NSRP1: variants seen among roughly 807,000 people sequenced by gnomAD.
The protein encoded by NSRP1 is nuclear speckle splicing regulatory protein 1.
Under a neutral mutation model 54.7 loss-of-function variants are expected in NSRP1, and 24 were observed. The observed-to-expected ratio is 0.44, with a 90% CI of 0.32 to 0.62. The LOEUF (loss-of-function observed/expected upper bound fraction) is 0.62. Ranked by LOEUF, NSRP1 falls within the 20% of genes least tolerant of loss-of-function variation. The pLI, the probability that NSRP1 is intolerant of heterozygous loss-of-function variation, is 0.06. For synonymous variants in NSRP1, 210 were observed against 213.8 expected, an observed-to-expected ratio of 0.98 and a Z score of 0.15; for missense variants, 596 against 651.2, an observed-to-expected ratio of 0.92 and a Z score of 0.92.
intron 3 of NSRP1, among the ~76,000 whole-genome samples, chr17:30,173,195 CT>C (rs1905018475): frequency 6.6e-6 from 1 of 152,134 alleles, no homozygotes; most frequent in Admixed American, 6.5e-5. Context: ...AACCCGTGAC[CT>C]CAGGTGATCC....
chr17:30,184,823 C>G lies in NSRP1; in HGVS notation c.826C>G (p.Pro276Ala). The change falls in exon 7 of 7, where the codon CCT becomes GCT. Residue 276 changes from proline to alanine, a missense_variant. Coordinates refer to ENST00000247026, the MANE Select transcript of NSRP1 (RefSeq NM_032141.4). The part of the protein sequence containing the change: ...NCRREKVIET[P>A]ENDFKHHRSQ... The stretch of plus-strand genomic sequence containing the variant: ...CAGAAGGGAAAAGGTCATAGAGACC[C>G]CTGAGAATGACTTCAAGCACCACAG... 1 of 1,613,896 alleles carries G rather than the reference C, an allele frequency of 6.2e-7. No individual in the cohort carries two copies. Among genetic ancestry groups the G allele is most frequent in the Non-Finnish European group, 8.5e-7 (1 of 1,179,968 alleles).
chr17:30,173,398 A>C (rs1466363759), intron 3 of NSRP1, among the ~76,000 whole-genome samples: 2 of 152,260 alleles, frequency 1.3e-5, no homozygotes, highest in African/African-American at 4.8e-5. Flanking sequence ...CCTTAAGATC[A>C]TACTATTAAT....
chr17:30,136,647 A>G (rs1470815169), intron 2 of NSRP1, among the ~76,000 whole-genome samples: 1 of 152,160 alleles, frequency 6.6e-6, no homozygotes, highest in Non-Finnish European at 1.5e-5. Flanking sequence ...TTTCTGAGAG[A>G]TTAAAATATG....
Position 30,153,803 on chromosome 17 carries a change from T to G in NSRP1, c.115-18739T>G, listed in dbSNP as rs533659757. Among the ~76,000 whole-genome samples the G allele has an allele frequency of 4.6e-5, 7 of 152,206 alleles. No individual in the cohort carries two copies. The South Asian group carries it at 1.2e-3, about 27-fold the overall frequency. ...GGATCTGTGCTAATATGATAGCCAG[T>G]TTAGTCTTAGAGGCTGTTTTAGCTT... is the stretch of plus-strand genomic sequence containing the variant. On this transcript the variant is annotated intron_variant, in intron 2 of 6. Transcript: ENST00000247026.
chr17:30,160,906 A>T (rs1904489214), intron 2 of NSRP1, among the ~76,000 whole-genome samples: 1 of 152,192 alleles, frequency 6.6e-6, no homozygotes, highest in Non-Finnish European at 1.5e-5. Flanking sequence ...GAGAAGCTAA[A>T]ATTTCAGAAG....
chr17:30,134,783 T>C (rs763379635), intron 2 of NSRP1, among the ~76,000 whole-genome samples: 37 of 152,070 alleles, frequency 2.4e-4, no homozygotes, highest in Non-Finnish European at 4.9e-4. Flanking sequence ...TCAGAAACAA[T>C]AGAAAAAGGG....
intron 2 of NSRP1, among the ~76,000 whole-genome samples, chr17:30,161,044 G>A (rs961926978): frequency 2.0e-5 from 3 of 152,116 alleles, no homozygotes; most frequent in Non-Finnish European, 2.9e-5. Context: ...TTATACAATG[G>A]AAACACTACT....
chr17:30,137,533 G>A (rs2071760996), intron 2 of NSRP1, among the ~76,000 whole-genome samples: 1 of 152,216 alleles, frequency 6.6e-6, no homozygotes, highest in Non-Finnish European at 1.5e-5. Flanking sequence ...AGACAGTGAG[G>A]AGCCACAGCC....
rs377148450 is a variant in NSRP1, at chr17:30,185,573, C to T, written c.1576C>T (p.Arg526Trp). The T allele has an allele frequency of 1.6e-5, 26 of 1,613,862 alleles. No individual in the cohort carries two copies. The highest frequency in any genetic ancestry group is 2.7e-5 in the African/African-American group (2 of 74,856). The change falls in exon 7 of 7, where the codon CGG becomes TGG. Residue 526 changes from arginine to tryptophan, a missense_variant. Coordinates refer to ENST00000247026, the MANE Select transcript of NSRP1 (RefSeq NM_032141.4). The stretch of plus-strand genomic sequence containing the variant: ...TGAGGCAGTGAGCAAGTTTGCAAAG[C>T]GGAACAATGAAGAAACTGTAATGTC... ...PPEAVSKFAK[R>W]NNEETVMSAR...
At position 30,153,211 on chromosome 17, in the gene NSRP1, C is replaced by T. The variant is rs1396707807; in HGVS notation, c.115-19331C>T. The stretch of plus-strand genomic sequence containing the variant: ...GGATTACAGGCATAAGCCACCGTGC[C>T]CGGCCTATTTTCGGCATTTTTATAT... On this transcript the variant is annotated intron_variant, in intron 2 of 6. Transcript: ENST00000247026. 2.0e-5 allele frequency among the ~76,000 whole-genome samples: 3 copies of T among 152,102 alleles called. No homozygotes were observed. The East Asian group carries it at 5.8e-4, about 29-fold the overall frequency.
At chr17:30,145,435 T>C (rs2071845348) in intron 2 of NSRP1, among the ~76,000 whole-genome samples, 1 of 152,078 alleles carries the variant, frequency 6.6e-6, no homozygotes, top group Non-Finnish European at 1.5e-5. Context: ...ATACAAAAAT[T>C]AGCTGGACGT....
intron 3 of NSRP1, among the ~76,000 whole-genome samples, chr17:30,174,846 C>T (rs1905073462): frequency 6.6e-6 from 1 of 152,144 alleles, no homozygotes; most frequent in Non-Finnish European, 1.5e-5. Context: ...TTATCATTTT[C>T]ATATATTGTT....
chr17:30,140,771 G>T (rs777017957), intron 2 of NSRP1, among the ~76,000 whole-genome samples: 25 of 151,824 alleles, frequency 1.6e-4, no homozygotes, highest in Non-Finnish European at 3.1e-4. Flanking sequence ...CTCGTGATCC[G>T]CACTCCTTGG....
chr17:30,138,875 C>G (rs1467016279), intron 2 of NSRP1, among the ~76,000 whole-genome samples: 2 of 144,166 alleles, frequency 1.4e-5, no homozygotes, highest in Admixed American at 1.4e-4. Context: ...AATAGCTATC[C>G]TAAGGGGTAT....
intron 2 of NSRP1, among the ~76,000 whole-genome samples, chr17:30,138,461 T>G (rs1360134189): frequency 6.6e-6 from 1 of 152,160 alleles, no homozygotes; most frequent in Non-Finnish European, 1.5e-5. Context: ...ATGCACGTTC[T>G]CCCATATACT....
rs762051049 is a variant in NSRP1 at position 30,118,157 on chromosome 17, C to A, written c.98C>A (p.Ser33Tyr). Reference sequence around the variant, plus strand: ...AAACCATCAGTGTTTGGGAATGATTCTGATGATGATGATGAGGTAAGGAAA... The same window carrying A: ...AAACCATCAGTGTTTGGGAATGATTATGATGATGATGATGAGGTAAGGAAA... ...LQKPSVFGND[S>Y]DDDDETSVSE... is the part of the protein sequence containing the mutation. Residue 33 changes from serine (S) to tyrosine (Y), a missense_variant, in exon 2 of 7, where the codon TCT (serine) becomes TAT (tyrosine). Physicochemically the swap from Ser to Tyr is moderately radical, Grantham distance 144 (BLOSUM62 -2). Coordinates refer to ENST00000247026, the MANE Select transcript of NSRP1 (RefSeq NM_032141.4). 2.0e-5 allele frequency: 33 copies of A among 1,613,382 alleles called. No individual in the cohort carries two copies. Among genetic ancestry groups the A allele is most frequent in the Non-Finnish European group, 2.7e-5 (32 of 1,179,632 alleles).
chr17:30,122,041 T>C (rs2071602612), intron 2 of NSRP1, among the ~76,000 whole-genome samples: 1 of 152,126 alleles, frequency 6.6e-6, no homozygotes, highest in Non-Finnish European at 1.5e-5. Flanking sequence ...GCACATTTCA[T>C]ATAAATAGAA....
chr17:30,132,539 G>A (rs894717298), intron 2 of NSRP1, among the ~76,000 whole-genome samples: 1 of 152,232 alleles, frequency 6.6e-6, no homozygotes, highest in African/African-American at 2.4e-5. Context: ...GGGCGACAGA[G>A]CGAGACTGTC....
At chr17:30,155,594 C>G (rs1282285816) in intron 2 of NSRP1, among the ~76,000 whole-genome samples, 2 of 151,866 alleles carry the variant, frequency 1.3e-5, no homozygotes, top group Non-Finnish European at 2.9e-5. Context: ...GGCTGAAATG[C>G]AGTGGCATTT....
Sources: gnomAD v4.1 joint callset for allele counts (sites outside exome capture counted in the v4.1 genomes callset) on GRCh38, gnomAD v4.1.1 for gene constraint, MANE v1.5 for transcripts, NCBI Gene and HGNC (gene_info 2026-07-23, HGNC 2026-07-21) for gene names.